The following KIAA1549L variants were observed in gnomAD, a reference collection of about 807,000 sequenced individuals.
KIAA1549L encodes the protein KIAA1549 like.
Under a neutral mutation model 160.7 loss-of-function variants are expected in KIAA1549L, and 88 were observed. The observed-to-expected ratio is 0.55, with a 90% CI of 0.46 to 0.65. The LOEUF is 0.65. Among genes scored for constraint, KIAA1549L ranks in the 30% least tolerant of loss-of-function variants. KIAA1549L has a pLI of 0.00. For missense variants in KIAA1549L, 2,258 were observed against 2,437.5 expected, an observed-to-expected ratio of 0.93 and a Z score of 1.55; for synonymous variants, 950 against 976.7, an observed-to-expected ratio of 0.97 and a Z score of 0.51.
At chr11:33,478,995 A>G (rs1383567959) in intron 1 of KIAA1549L, among the ~76,000 whole-genome samples, 1 of 152,250 alleles carries the variant, frequency 6.6e-6, no homozygotes, top group Non-Finnish European at 1.5e-5. Flanking sequence ...TGTTGCCCCT[A>G]AGGTTACTCA....
chr11:33,542,132 C>T lies in KIAA1549L; in HGVS notation c.569C>T (p.Ala190Val). 1.8e-6 allele frequency: 1 copy of T among 543,416 alleles called. No individual in the cohort carries two copies. The highest frequency in any genetic ancestry group is 3.5e-6 in the Non-Finnish European group (1 of 283,164). 33.7% of individuals were successfully genotyped at this position (543,416 alleles called of 1,614,324 possible). The change falls in exon 2 of 21, where the codon GCA (alanine) becomes GTA (valine). Residue 190 changes from alanine to valine, a missense_variant. Around this residue, in one of 6 missense-constraint regions of KIAA1549L, gnomAD observed 540 missense variants for 465.7 expected, o/e 1.16. Transcript: ENST00000658780. ...VQPGPKGGQE[A>V]ADVSGLPLTS... ...CCGGGGCCTAAAGGGGGACAAGAAG[C>T]AGCCGATGTGTCAGGTTTGCCTCTC...
Position 33,630,364 on chromosome 11 carries a change from C to T in KIAA1549L, c.5409+11702C>T, listed in dbSNP as rs912156168. On this transcript the variant is annotated intron_variant, in intron 16 of 20. Coordinates refer to ENST00000658780, the MANE Select transcript of KIAA1549L (RefSeq NM_012194.3). ...CTAAGCAAGCCTGGGCAATGGCGGGCGCCCCTCCCCCAGCCTCGCTGCCAC... is the reference window on the plus strand; with the variant it reads ...CTAAGCAAGCCTGGGCAATGGCGGGTGCCCCTCCCCCAGCCTCGCTGCCAC... Among the ~76,000 whole-genome samples the T allele has an allele frequency of 5.9e-3, 896 of 151,326 alleles. 8 individuals are homozygous for T. Among genetic ancestry groups the T allele is most frequent in the African/African-American group, 0.021 (846 of 41,266 alleles).
chr11:33,418,135 A>G (rs1453490084), intron 1 of KIAA1549L, among the ~76,000 whole-genome samples: 1 of 152,160 alleles, frequency 6.6e-6, no homozygotes, highest in Non-Finnish European at 1.5e-5. Flanking sequence ...TATAGGTCAT[A>G]TATATTGTGT....
At chr11:33,604,518 A>G (rs1174484882) in intron 13 of KIAA1549L, among the ~76,000 whole-genome samples, 1 of 152,252 alleles carries the variant, frequency 6.6e-6, no homozygotes, top group Non-Finnish European at 1.5e-5. Flanking sequence ...GTGTGTTTAT[A>G]GCAGCACAAT....
intron 12 of KIAA1549L, among the ~76,000 whole-genome samples, chr11:33,595,971 T>C (rs996907267): frequency 3.9e-5 from 6 of 152,090 alleles, no homozygotes; most frequent in South Asian, 2.1e-4. Flanking sequence ...ATTTTGTTGA[T>C]ATATGACTGA....
At chr11:33,501,587 TA>T (rs1211520169) in intron 1 of KIAA1549L, among the ~76,000 whole-genome samples, 1 of 152,148 alleles carries the variant, frequency 6.6e-6, no homozygotes, top group Non-Finnish European at 1.5e-5. Context: ...TGAATGAAGA[TA>T]AATAAATGTA....
At chr11:33,521,977 A>T (rs1853504086) in intron 1 of KIAA1549L, among the ~76,000 whole-genome samples, 1 of 152,158 alleles carries the variant, frequency 6.6e-6, no homozygotes, top group South Asian at 2.1e-4. Context: ...ATGTAGATAG[A>T]CCTTATTCTT....
At chr11:33,554,300 G>T (rs892752647) in intron 6 of KIAA1549L, among the ~76,000 whole-genome samples, 2 of 152,080 alleles carry the variant, frequency 1.3e-5, no homozygotes, top group Non-Finnish European at 2.9e-5. Context: ...TTGAAAAATC[G>T]ACTTAACAAC....
chr11:33,554,335 T>C (rs765496483), intron 6 of KIAA1549L, among the ~76,000 whole-genome samples: 26 of 152,238 alleles, frequency 1.7e-4, no homozygotes, highest in Non-Finnish European at 3.4e-4. Context: ...TATTAGGGAC[T>C]AGATTACAGT....
At chr11:33,550,692 C>G (rs554131388) in intron 4 of KIAA1549L, among the ~76,000 whole-genome samples, 5 of 152,234 alleles carry the variant, frequency 3.3e-5, no homozygotes, top group African/African-American at 1.2e-4. Context: ...AGTGATTTTC[C>G]CCAGCATTTC....
chr11:33,423,960 T>C lies in KIAA1549L; in HGVS notation c.238+47071T>C, dbSNP rs185294082. On this transcript the variant is annotated intron_variant, in intron 1 of 20. Coordinates refer to ENST00000658780, the MANE Select transcript of KIAA1549L (RefSeq NM_012194.3). ...AGGAGGATTGCCTGAGCCCAGGAGG[T>C]TGAGGCTGCCTTGAGCTGTGATCAT... Among the ~76,000 whole-genome samples the C allele has an allele frequency of 5.4e-3, 816 of 151,720 alleles. 1 individual carries two copies. Among genetic ancestry groups the C allele is most frequent in the Non-Finnish European group, 8.7e-3 (592 of 67,918 alleles).
chr11:33,382,295 G>A (rs1342505445), intron 1 of KIAA1549L, among the ~76,000 whole-genome samples: 1 of 152,156 alleles, frequency 6.6e-6, no homozygotes, highest in Admixed American at 6.5e-5. Flanking sequence ...AGCAATCAAG[G>A]AGGAGGGCGT....
intron 3 of KIAA1549L, among the ~76,000 whole-genome samples, chr11:33,545,774 T>A (rs1854236755): frequency 6.6e-6 from 1 of 152,236 alleles, no homozygotes; most frequent in South Asian, 2.1e-4. Context: ...ACCATGGTTC[T>A]GCCAGTGGGT....
intron 1 of KIAA1549L, among the ~76,000 whole-genome samples, chr11:33,535,551 C>T (rs964720736): frequency 3.3e-5 from 5 of 151,954 alleles, no homozygotes; most frequent in Non-Finnish European, 7.4e-5. Flanking sequence ...GCGTGCCTGT[C>T]GTCCCAGCTA....
chr11:33,513,957 T>C (rs1172662018), intron 1 of KIAA1549L, among the ~76,000 whole-genome samples: 1 of 152,206 alleles, frequency 6.6e-6, no homozygotes, highest in African/African-American at 2.4e-5. Context: ...CCTAGATTAT[T>C]ATGCTCCTAC....
intron 16 of KIAA1549L, among the ~76,000 whole-genome samples, chr11:33,624,712 T>C (rs1851049780): frequency 6.6e-6 from 1 of 151,962 alleles, no homozygotes; most frequent in Non-Finnish European, 1.5e-5. Flanking sequence ...CTACACCAAG[T>C]GGACGATTTA....
intron 1 of KIAA1549L, among the ~76,000 whole-genome samples, chr11:33,481,131 G>A (rs1852403396): frequency 6.6e-6 from 1 of 152,206 alleles, no homozygotes; most frequent in South Asian, 2.1e-4. Context: ...TTTGGGCTAA[G>A]TGGACCATTC....
chr11:33,478,310 C>T (rs1852334250), intron 1 of KIAA1549L, among the ~76,000 whole-genome samples: 1 of 152,224 alleles, frequency 6.6e-6, no homozygotes. Context: ...GCATGCCTGG[C>T]TTTGCAAGCC....
Position 33,609,782 on chromosome 11 carries a change from G to A in KIAA1549L, c.5095G>A (p.Glu1699Lys), listed in dbSNP as rs748783117. Residue 1699 changes from glutamate (E) to lysine (K), a missense_variant, in exon 15 of 21, where the codon GAG becomes AAG. Physicochemically the swap from Glu to Lys is moderately conservative, Grantham distance 56. Coordinates refer to ENST00000658780, the MANE Select transcript of KIAA1549L (RefSeq NM_012194.3). ...AGCCCTGAAGCAGAAGTCAGACATC[G>A]AGCACTATCGGAACAAGCTGCGCCT... The part of the protein sequence containing the change: ...NKALKQKSDI[E>K]HYRNKLRLKA... 2.5e-6 allele frequency: 4 copies of A among 1,611,808 alleles called. No homozygotes were observed. The highest frequency in any genetic ancestry group is 3.4e-6 in the Non-Finnish European group (4 of 1,178,942).
Sources: allele counts gnomAD v4.1 joint callset (sites outside exome capture counted in the v4.1 genomes callset), GRCh38; gene constraint gnomAD v4.1.1; regional missense constraint gnomAD v4.1.1; transcripts MANE v1.5; gene names NCBI Gene and HGNC (gene_info 2026-07-23, HGNC 2026-07-21).